RDH12: variants seen among roughly 807,000 people sequenced by gnomAD.
RDH12 encodes all-trans and 9-cis retinol dehydrogenase.
A neutral mutation model predicts 34.0 loss-of-function variants in RDH12; 21 were observed. The ratio of observed to expected loss-of-function variants is 0.62; its 90% CI spans 0.44 to 0.89. The LOEUF (loss-of-function observed/expected upper bound fraction) is 0.89. RDH12 is among the 40% of genes least tolerant of loss of function. RDH12 has a pLI of 0.00. For missense variants in RDH12, 394 were observed against 398.6 expected (o/e 0.99, Z 0.10); for synonymous variants, 198 against 169.9 (o/e 1.17, Z -1.29).
In RDH12 at chr14:67,729,213, A is replaced by C. The variant is rs1487124240; in HGVS notation, c.681A>C (p.Ala227=). The part of the protein sequence containing the change: ...RLQGTGVTTY[A]VHPGVVRSEL... The stretch of plus-strand genomic sequence containing the variant: ...CAGGCACCGGGGTCACCACCTACGC[A>C]GTGCACCCAGGCGTCGTCCGCTCTG... Residue 227 remains alanine (A), a synonymous_variant, in exon 8 of 9, where the codon GCA becomes GCC. Transcript: ENST00000551171. 1 of 1,612,442 alleles carries C rather than the reference A, an allele frequency of 6.2e-7. No homozygotes were observed. Among genetic ancestry groups the C allele is most frequent in the Non-Finnish European group, 8.5e-7 (1 of 1,180,000 alleles).
intron 1 of RDH12, among the ~76,000 whole-genome samples, chr14:67,718,334 T>C (rs541730340): frequency 1.1e-4 from 16 of 152,312 alleles, no homozygotes; most frequent in South Asian, 2.1e-4. Context: ...AAGAGAAGTT[T>C]ACAGTTTTCC....
At chr14:67,730,085 T>A (rs2038249733) in intron 8 of RDH12, among the ~76,000 whole-genome samples, 1 of 152,246 alleles carries the variant, frequency 6.6e-6, no homozygotes, top group African/African-American at 2.4e-5. Flanking sequence ...TGAGTTTTTA[T>A]AATGTGTTTG....
At chr14:67,712,493 CAAA>C (rs79758974) in intron 1 of RDH12, among the ~76,000 whole-genome samples, 56 of 38,934 alleles carry the variant, frequency 1.4e-3, no homozygotes, top group African/African-American at 2.6e-3. Context: ...AAAAAACTTG[CAAA>C]AAAAAAAAAA....
In RDH12 at chr14:67,727,209, G is replaced by A; in HGVS notation, c.658+19G>A. The A allele has an allele frequency of 6.3e-7, 1 of 1,599,068 alleles. No homozygotes were observed. The highest frequency in any genetic ancestry group is 8.5e-7 in the Non-Finnish European group (1 of 1,172,706). On this transcript the variant is annotated intron_variant, in intron 7 of 8. Coordinates refer to ENST00000551171, the MANE Select transcript of RDH12 (RefSeq NM_152443.3). ...CTCCAAGGTAAGTCTGGAGAAAGAG[G>A]AATAGCAAAAATGGTCCTCAGACCA... is the stretch of plus-strand genomic sequence containing the variant.
intron 7 of RDH12, chr14:67,727,400 T>C (rs2038201097): frequency 1.7e-6 from 1 of 574,674 alleles, no homozygotes; most frequent in East Asian, 3.0e-5. Context: ...AAAAGTTACC[T>C]TGTATTTGTG....
In RDH12 at chr14:67,729,300, G is replaced by GGT. The variant is rs2038235506; in HGVS notation, c.768_769insGT (p.Thr257ValfsTer22). ...GGCGGCTCTTCTCCCCCTTTGTCAA[G>GGT]ACGGCACGGGAGGGGGCGCAGACCA... is the stretch of plus-strand genomic sequence containing the variant. On this transcript the variant is annotated frameshift_variant, in exon 8 of 9. Coordinates refer to ENST00000551171, the MANE Select transcript of RDH12 (RefSeq NM_152443.3). LOFTEE classifies it high-confidence loss of function. 6.2e-7 allele frequency: 1 copy of GGT among 1,602,408 alleles called. No individual in the cohort carries two copies. The highest frequency in any genetic ancestry group is 1.3e-5 in the African/African-American group (1 of 74,878).
chr14:67,704,010 T>C (rs12898042), intron 1 of RDH12, among the ~76,000 whole-genome samples: 19,256 of 152,272 alleles, frequency 0.13, 1,483 homozygotes, highest in South Asian at 0.34. Flanking sequence ...ATCTCATTTT[T>C]AAAATATTAA....
intron 1 of RDH12, among the ~76,000 whole-genome samples, chr14:67,720,040 C>G (rs2038106035): frequency 6.6e-6 from 1 of 152,212 alleles, no homozygotes; most frequent in Admixed American, 6.5e-5. Flanking sequence ...ACAATGGACT[C>G]TCCCACGAGC....
intron 1 of RDH12, among the ~76,000 whole-genome samples, chr14:67,716,101 G>A (rs920265178): frequency 2.6e-5 from 4 of 151,974 alleles, no homozygotes; most frequent in Admixed American, 2.6e-4. Context: ...GGAGACTGAG[G>A]CAGGAGAATG....
chr14:67,726,170 G>T lies in RDH12; in HGVS notation c.448+15G>T, dbSNP rs773155593. The T allele has an allele frequency of 6.6e-7, 1 of 1,508,088 alleles. No individual in the cohort carries two copies. Among genetic ancestry groups the T allele is most frequent in the Non-Finnish European group, 9.2e-7 (1 of 1,083,336 alleles). 93.4% of individuals were successfully genotyped at this position (1,508,088 alleles called of 1,614,324 possible). A position where few individuals can be genotyped will look rare whatever the true frequency, so the allele number is the denominator to read the frequency against. Reference sequence around the variant, plus strand: ...CAACCACCTGGGTAAGTATCTTTGGGTGACTAAAAAATGAGGTACACCCAC... The same window carrying T: ...CAACCACCTGGGTAAGTATCTTTGGTTGACTAAAAAATGAGGTACACCCAC... On this transcript the variant is annotated intron_variant, in intron 6 of 8. Coordinates refer to ENST00000551171, the MANE Select transcript of RDH12 (RefSeq NM_152443.3).
At position 67,729,193 on chromosome 14, in the gene RDH12, A is replaced by G. The variant is rs747901495; in HGVS notation, c.661A>G (p.Thr221Ala). The stretch of plus-strand genomic sequence containing the variant: ...TAATTGTGCCCTCTTTGTCCCAGGC[A>G]CCGGGGTCACCACCTACGCAGTGCA... Reference protein sequence around the residue: ...TRELAKRLQGTGVTTYAVHPG... With the variant: ...TRELAKRLQGAGVTTYAVHPG... The change falls in exon 8 of 9, where the codon ACC becomes GCC. Residue 221 changes from threonine to alanine, a missense_variant and splice_region_variant. By Grantham distance (58) the Thr-to-Ala change is moderately conservative. Coordinates refer to ENST00000551171, the MANE Select transcript of RDH12 (RefSeq NM_152443.3). The G allele has an allele frequency of 3.7e-6, 6 of 1,612,828 alleles. No homozygotes were observed. Among genetic ancestry groups the G allele is most frequent in the Non-Finnish European group, 5.1e-6 (6 of 1,179,994 alleles).
intron 3 of RDH12, among the ~76,000 whole-genome samples, chr14:67,723,340 C>T (rs534932792): frequency 1.8e-4 from 27 of 152,266 alleles, no homozygotes; most frequent in African/African-American, 6.3e-4. Context: ...CTCAAGCAAC[C>T]CTCCTGCCTC....
chr14:67,703,118 C>T (rs893995503), intron 1 of RDH12, among the ~76,000 whole-genome samples: 28 of 152,118 alleles, frequency 1.8e-4, no homozygotes, highest in African/African-American at 6.3e-4. Flanking sequence ...CCTCATCTGG[C>T]CCTTATAGTT....
At chr14:67,718,047 A>G (rs933093653) in intron 1 of RDH12, among the ~76,000 whole-genome samples, 2 of 152,228 alleles carry the variant, frequency 1.3e-5, no homozygotes, top group East Asian at 3.8e-4. Flanking sequence ...TAAAATCAAG[A>G]AAAAGGAACA....
At chr14:67,719,670 G>T (rs550858436) in intron 1 of RDH12, among the ~76,000 whole-genome samples, 1 of 151,822 alleles carries the variant, frequency 6.6e-6, no homozygotes, top group Non-Finnish European at 1.5e-5. Flanking sequence ...TAGAGACGGG[G>T]TCTCACTATG....
At chr14:67,725,345 C>G in intron 5 of RDH12, 91 bp downstream of exon 5, 2 of 1,294,930 alleles carry the variant, frequency 1.5e-6, no homozygotes, top group Non-Finnish European at 2.2e-6. Context: ...TACATCAGAA[C>G]CATCATCCAC....
chr14:67,724,438 A>G, intron 3 of RDH12, 35 bp from the exon 4 acceptor site: 4 of 1,219,142 alleles, frequency 3.3e-6, no homozygotes, highest in Non-Finnish European at 4.7e-6. Flanking sequence ...CTCGTGAAGG[A>G]TGGTACGTGA....
At chr14:67,718,299 G>A (rs2038088756) in intron 1 of RDH12, among the ~76,000 whole-genome samples, 4 of 152,180 alleles carry the variant, frequency 2.6e-5, no homozygotes, top group African/African-American at 9.7e-5. Flanking sequence ...ATAGGGAAGA[G>A]GAGAAGGAGG....
intron 8 of RDH12, among the ~76,000 whole-genome samples, chr14:67,732,162 T>C (rs1238009019): frequency 7.2e-6 from 1 of 139,792 alleles, no homozygotes; most frequent in Non-Finnish European, 1.5e-5. Flanking sequence ...TAAGGCTGGG[T>C]GTGGCGGCTC....
Sources: allele counts gnomAD v4.1 joint callset (sites outside exome capture counted in the v4.1 genomes callset), GRCh38; gene constraint gnomAD v4.1.1; transcripts MANE v1.5; gene names NCBI Gene and HGNC (gene_info 2026-07-23, HGNC 2026-07-21).